MYO5B: variants seen among roughly 807,000 people sequenced by gnomAD.
The protein encoded by MYO5B is myosin VB, also known as unconventional myosin-Vb.
A neutral mutation model predicts 229.3 loss-of-function variants in MYO5B; 143 were observed. That is an observed-to-expected ratio of 0.62 (90% CI 0.54 to 0.72). The LOEUF (loss-of-function observed/expected upper bound fraction) is 0.72. Among genes scored for constraint, MYO5B ranks in the 30% least tolerant of loss-of-function variants. MYO5B has a pLI of 0.00. For missense variants in MYO5B, 2,321 were observed against 2,331.0 expected, an observed-to-expected ratio of 1.00 and a Z score of 0.09; for synonymous variants, 918 against 885.2, an observed-to-expected ratio of 1.04 and a Z score of -0.66.
At chr18:49,941,682 A>C (rs1393986777) in intron 14 of MYO5B, among the ~76,000 whole-genome samples, 1 of 152,012 alleles carries the variant, frequency 6.6e-6, no homozygotes, top group African/African-American at 2.4e-5. Context: ...CCCTCTCGAT[A>C]CAAACAAATG....
chr18:50,096,260 G>A (rs1304608172), intron 1 of MYO5B, among the ~76,000 whole-genome samples: 1 of 152,074 alleles, frequency 6.6e-6, no homozygotes, highest in Non-Finnish European at 1.5e-5. Context: ...TAGGCATTTT[G>A]GGGAAAACAA....
At chr18:49,882,017 A>G (rs1201449543) in intron 22 of MYO5B, among the ~76,000 whole-genome samples, 1 of 152,162 alleles carries the variant, frequency 6.6e-6, no homozygotes, top group Non-Finnish European at 1.5e-5. Flanking sequence ...TGGATCCCCT[A>G]CAGATTCATT....
chr18:49,946,606 T>G (rs942505482), intron 14 of MYO5B, among the ~76,000 whole-genome samples: 1 of 152,184 alleles, frequency 6.6e-6, no homozygotes, highest in Non-Finnish European at 1.5e-5. Context: ...CTTTGTAACT[T>G]AAGAACAGAA....
chr18:49,900,128 C>A (rs2024824770), intron 21 of MYO5B, among the ~76,000 whole-genome samples: 1 of 152,206 alleles, frequency 6.6e-6, no homozygotes, highest in Admixed American at 6.5e-5. Flanking sequence ...GCGGTCAATG[C>A]CTACTCATCC....
chr18:49,911,153 A>C (rs1458621404), intron 18 of MYO5B, among the ~76,000 whole-genome samples: 1 of 152,214 alleles, frequency 6.6e-6, no homozygotes, highest in African/African-American at 2.4e-5. Flanking sequence ...CTTCAGGGCT[A>C]GGCCTGGGCT....
chr18:49,866,245 T>C (rs377366981), intron 27 of MYO5B, among the ~76,000 whole-genome samples: 15 of 151,790 alleles, frequency 9.9e-5, no homozygotes, highest in Non-Finnish European at 1.5e-5. Flanking sequence ...ATTTTTTTTT[T>C]TTTCTAGTAG....
chr18:50,020,126 C>T (rs2026258729), intron 4 of MYO5B, among the ~76,000 whole-genome samples: 1 of 152,186 alleles, frequency 6.6e-6, no homozygotes, highest in African/African-American at 2.4e-5. Context: ...TTTCATCCAG[C>T]CACCCACCCA....
intron 1 of MYO5B, among the ~76,000 whole-genome samples, chr18:50,136,129 T>G (rs759516917): frequency 6.6e-6 from 1 of 152,186 alleles, no homozygotes; most frequent in Non-Finnish European, 1.5e-5. Flanking sequence ...TGGCCTCACA[T>G]GGCCGGCTAA....
At chr18:49,906,951 G>A (rs771143347) in intron 18 of MYO5B, among the ~76,000 whole-genome samples, 31 of 152,224 alleles carry the variant, frequency 2.0e-4, no homozygotes, top group Non-Finnish European at 3.7e-4. Context: ...GGTGGCTGGT[G>A]AGCGTGGGAT....
At chr18:49,842,583 C>T (rs906127885) in intron 34 of MYO5B, among the ~76,000 whole-genome samples, 1 of 152,250 alleles carries the variant, frequency 6.6e-6, no homozygotes, top group African/African-American at 2.4e-5. Context: ...GTTCATCTCC[C>T]TCAAGAATCT....
chr18:49,960,392 C>T (rs1319743995), intron 12 of MYO5B, among the ~76,000 whole-genome samples: 2 of 152,196 alleles, frequency 1.3e-5, no homozygotes, highest in Non-Finnish European at 2.9e-5. Flanking sequence ...GTTGCCCAGC[C>T]ACGGCAAACC....
chr18:50,035,325 C>G (rs1172652226), intron 4 of MYO5B, among the ~76,000 whole-genome samples: 2 of 152,216 alleles, frequency 1.3e-5, no homozygotes, highest in African/African-American at 4.8e-5. Context: ...TCTTAGAGCG[C>G]TGTCAGAGCT....
At chr18:49,913,324 T>C (rs2024978504) in intron 17 of MYO5B, among the ~76,000 whole-genome samples, 1 of 152,228 alleles carries the variant, frequency 6.6e-6, no homozygotes, top group Non-Finnish European at 1.5e-5. Flanking sequence ...GTGGTCTCGA[T>C]TCATACATAT....
chr18:50,145,670 A>C (rs1453701636), intron 1 of MYO5B, among the ~76,000 whole-genome samples: 1 of 152,190 alleles, frequency 6.6e-6, no homozygotes, highest in Non-Finnish European at 1.5e-5. Flanking sequence ...TTCAACCAAC[A>C]ACAAAATCTC....
intron 1 of MYO5B, among the ~76,000 whole-genome samples, chr18:50,075,943 T>C (rs911994811): frequency 6.6e-6 from 1 of 152,178 alleles, no homozygotes; most frequent in Non-Finnish European, 1.5e-5. Context: ...CGCTGCAGAA[T>C]GATCAGAAGG....
intron 12 of MYO5B, 138 bp from the exon 13 acceptor site, chr18:49,954,573 T>C: frequency 8.8e-7 from 1 of 1,133,282 alleles, no homozygotes; most frequent in East Asian, 2.5e-5. Flanking sequence ...AACTGGACGG[T>C]GCAAAGAATG....
intron 17 of MYO5B, among the ~76,000 whole-genome samples, chr18:49,929,150 A>G (rs11082790): frequency 0.078 from 11,801 of 152,232 alleles, 942 homozygotes; most frequent in East Asian, 0.3. Flanking sequence ...TGGTAAATAC[A>G]TATATTTTCC....
chr18:50,188,514 CT>C (rs1378205797), intron 1 of MYO5B, among the ~76,000 whole-genome samples: 3 of 152,122 alleles, frequency 2.0e-5, no homozygotes, highest in African/African-American at 7.2e-5. Flanking sequence ...GAATCTCAGC[CT>C]ACTTAGATAA....
At chr18:50,012,955 G>T (rs543384755) in intron 4 of MYO5B, among the ~76,000 whole-genome samples, 1 of 152,194 alleles carries the variant, frequency 6.6e-6, no homozygotes, top group South Asian at 2.1e-4. Flanking sequence ...TCAACCTCAC[G>T]GCTTAGCAGA....
Sources: gnomAD v4.1 joint callset for allele counts (sites outside exome capture counted in the v4.1 genomes callset) on GRCh38, gnomAD v4.1.1 for gene constraint, MANE v1.5 for transcripts, NCBI Gene and HGNC (gene_info 2026-07-23, HGNC 2026-07-21) for gene names.